TTK: variants seen among roughly 807,000 people sequenced by gnomAD.
The protein encoded by TTK is TTK protein kinase.
TTK carries 59 observed loss-of-function variants against 117.3 expected under a neutral mutation model. The ratio of observed to expected loss-of-function variants is 0.50; its 90% CI spans 0.41 to 0.62. TTK has a LOEUF of 0.62. Among genes scored for constraint, TTK ranks in the 20% least tolerant of loss-of-function variants. The pLI, the probability that TTK is intolerant of heterozygous loss-of-function variation, is 0.00. For synonymous variants in TTK, 302 were observed against 325.0 expected (o/e 0.93, Z 0.76); for missense variants, 921 against 989.4 (o/e 0.93, Z 0.93).
intron 14 of TTK, among the ~76,000 whole-genome samples, chr6:80,032,324 C>T (rs1157326885): frequency 1.3e-5 from 2 of 152,104 alleles, no homozygotes; most frequent in Non-Finnish European, 2.9e-5. Context: ...CTGTCCATAC[C>T]TATTGTCTTC....
intron 21 of TTK, 95 bp from the exon 22 acceptor site, chr6:80,042,024 T>C: frequency 1.7e-6 from 1 of 579,732 alleles, no homozygotes; most frequent in Non-Finnish European, 2.8e-6. Flanking sequence ...GAGAAATAAA[T>C]GTATTATATT....
At chr6:80,035,934 T>TAC (rs1402130823) in intron 16 of TTK, among the ~76,000 whole-genome samples, 1 of 152,130 alleles carries the variant, frequency 6.6e-6, no homozygotes, top group African/African-American at 2.4e-5. Flanking sequence ...ATAACTGTTA[T>TAC]CCTAGTTAAT....
intron 1 of TTK, among the ~76,000 whole-genome samples, chr6:80,005,192 CA>C (rs1431148196): frequency 6.6e-6 from 1 of 151,616 alleles, no homozygotes; most frequent in African/African-American, 2.4e-5. Flanking sequence ...TTGAGAGTCA[CA>C]AAGATACGAT....
In TTK at chr6:80,007,967, C is replaced by T; in HGVS notation, c.298C>T (p.Pro100Ser). The change falls in exon 3 of 22, where the codon CCA (proline) becomes TCA (serine). Residue 100 changes from proline to serine, a missense_variant. Transcript: ENST00000369798. ...RYSQAIEALP[P>S]DKYGQNESFA... ...CAGTCAAGCAATTGAAGCGCTTCCC[C>T]CAGATAAATATGGCCAAAATGAGAG... 1 of 1,613,434 alleles carries T rather than the reference C, an allele frequency of 6.2e-7. No individual in the cohort carries two copies. Among genetic ancestry groups the T allele is most frequent in the Non-Finnish European group, 8.5e-7 (1 of 1,179,626 alleles).
At position 80,028,028 on chromosome 6, in the gene TTK, A is replaced by G; in HGVS notation, c.1521+17A>G. On this transcript the variant is annotated intron_variant, in intron 13 of 21. Transcript: ENST00000369798. Reference sequence around the variant, plus strand: ...AATTTACAGGTTCGATAAGCTTTATATATGATGGTATATGTTAAGATACAG... The same window carrying G: ...AATTTACAGGTTCGATAAGCTTTATGTATGATGGTATATGTTAAGATACAG... 3 of 1,580,666 alleles carry G rather than the reference A, an allele frequency of 1.9e-6. No individual in the cohort carries two copies. The highest frequency in any genetic ancestry group is 2.6e-6 in the Non-Finnish European group (3 of 1,165,672).
chr6:80,042,009 CAA>C (rs1768060421), intron 21 of TTK, 108 bp from the exon 22 acceptor site: 1 of 536,014 alleles, frequency 1.9e-6, no homozygotes, highest in African/African-American at 2.0e-5. Flanking sequence ...ACTGTAAGAA[CAA>C]GAGAGAAATA....
In TTK at chr6:80,007,994, T is replaced by G; in HGVS notation, c.325T>G (p.Phe109Val). The G allele has an allele frequency of 3.6e-5, 45 of 1,239,516 alleles. No individual in the cohort carries two copies. Among genetic ancestry groups the G allele is most frequent in the Non-Finnish European group, 4.9e-5 (41 of 840,926 alleles). 76.8% of individuals were successfully genotyped at this position (1,239,516 alleles called of 1,614,324 possible). Residue 109 changes from phenylalanine (F) to valine (V), a missense_variant, in exon 3 of 22, where the codon TTT becomes GTT. Physicochemically the swap from Phe to Val is conservative, Grantham distance 50. Coordinates refer to ENST00000369798, the MANE Select transcript of TTK (RefSeq NM_003318.5). ...PPDKYGQNES[F>V]ARIQVRFAEL... ...AGATAAATATGGCCAAAATGAGAGT[T>G]TTGCTAGAATTCAAGTGAGATTTGC...
At chr6:80,025,340 A>G (rs2127677142) in intron 11 of TTK, among the ~76,000 whole-genome samples, 1 of 152,352 alleles carries the variant, frequency 6.6e-6, no homozygotes, top group African/African-American at 2.4e-5. Flanking sequence ...TTTCTTGGCC[A>G]AGACTGAAAT....
At chr6:80,029,175 G>A (rs191056459) in intron 13 of TTK, among the ~76,000 whole-genome samples, 1 of 152,252 alleles carries the variant, frequency 6.6e-6, no homozygotes, top group Admixed American at 6.5e-5. Flanking sequence ...GGGAAGGGAG[G>A]AAGAATGGGG....
In TTK at chr6:80,007,912, T is replaced by C; in HGVS notation, c.243T>C (p.Asp81=). Residue 81 remains aspartate, a synonymous_variant, in exon 3 of 22, where the codon GAT becomes GAC. Coordinates refer to ENST00000369798, the MANE Select transcript of TTK (RefSeq NM_003318.5). ...AGAAAAACAGTGTTCCGCTAAGTGA[T>C]GCTCTTTTAAATAAATTGATTGGTC... ...KLEKNSVPLS[D]ALLNKLIGRY... 1 of 1,613,656 alleles carries C rather than the reference T, an allele frequency of 6.2e-7. No homozygotes were observed.
chr6:80,011,099 G>T, intron 5 of TTK, 142 bp downstream of exon 5: 1 of 1,102,704 alleles, frequency 9.1e-7, no homozygotes, highest in Middle Eastern at 3.4e-4. Flanking sequence ...AGACTGAGAA[G>T]TAAAAAAGTC....
rs1430853341 is a variant in TTK at position 80,035,338 on chromosome 6, G to GA, written c.1851dup (p.Ser618IlefsTer3). 1.9e-6 allele frequency: 3 copies of GA among 1,612,192 alleles called. No homozygotes were observed. The highest frequency in any genetic ancestry group is 1.3e-5 in the African/African-American group (1 of 74,858). On this transcript the variant is annotated frameshift_variant, in exon 16 of 22. Coordinates refer to ENST00000369798, the MANE Select transcript of TTK (RefSeq NM_003318.5). LOFTEE classifies it high-confidence loss of function. ...TTGATCTTAATAGTTGGCTTAAAAA[G>GA]AAAAAATCCATTGATCCATGGGAAC...
At chr6:80,017,727 A>G (rs1767349131) in intron 10 of TTK, among the ~76,000 whole-genome samples, 1 of 152,210 alleles carries the variant, frequency 6.6e-6, no homozygotes, top group African/African-American at 2.4e-5. Flanking sequence ...CCACTTTTAA[A>G]ACATGGGATT....
In TTK at chr6:80,013,317, C is replaced by G; in HGVS notation, c.935C>G (p.Pro312Arg). 4.4e-6 allele frequency: 7 copies of G among 1,602,968 alleles called. No individual in the cohort carries two copies. Among genetic ancestry groups the G allele is most frequent in the Non-Finnish European group, 6.0e-6 (7 of 1,176,432 alleles). Reference protein sequence around the residue: ...SRSECRDLVVPGSKPSGNDSC... With the variant: ...SRSECRDLVVRGSKPSGNDSC... ...TCAGAATGCCGAGATTTGGTTGTGC[C>G]TGGATCTAAACCAAGTGGAAATGAT... is the stretch of plus-strand genomic sequence containing the variant. Residue 312 changes from proline to arginine, a missense_variant, in exon 9 of 22, where the codon CCT becomes CGT. By Grantham distance (103) the Pro-to-Arg change is moderately radical (BLOSUM62 -2). Coordinates refer to ENST00000369798, the MANE Select transcript of TTK (RefSeq NM_003318.5).
At chr6:80,035,765 C>G (rs755470029) in intron 16 of TTK, among the ~76,000 whole-genome samples, 1 of 152,020 alleles carries the variant, frequency 6.6e-6, no homozygotes, top group Admixed American at 6.6e-5. Flanking sequence ...TTTATTCATT[C>G]TCCTAATCAT....
chr6:80,032,709 A>G (rs940304183), intron 14 of TTK, among the ~76,000 whole-genome samples: 2 of 152,138 alleles, frequency 1.3e-5, no homozygotes, highest in East Asian at 1.9e-4. Context: ...TTCTACTTCA[A>G]AGTATCTCTA....
In TTK at chr6:80,042,453, A is replaced by G. The variant is rs1768076626; in HGVS notation, c.*251A>G. The G allele has an allele frequency of 3.9e-6, 1 of 257,600 alleles. No homozygotes were observed. Among genetic ancestry groups the G allele is most frequent in the Non-Finnish European group, 7.4e-6 (1 of 135,526 alleles). 16.0% of individuals were successfully genotyped at this position (257,600 alleles called of 1,614,324 possible). A position where few individuals can be genotyped will look rare whatever the true frequency, so the allele number is the denominator to read the frequency against. On this transcript the variant is annotated 3_prime_UTR_variant, in exon 22 of 22. Transcript: ENST00000369798. The stretch of plus-strand genomic sequence containing the variant: ...TACTTGACATCATTTTACTCTTGGA[A>G]TAGTGGGTGGATAGCAAGTATATTC...
At chr6:80,020,652 A>C (rs1181365137) in intron 10 of TTK, among the ~76,000 whole-genome samples, 1 of 152,238 alleles carries the variant, frequency 6.6e-6, no homozygotes, top group African/African-American at 2.4e-5. Flanking sequence ...CAGATAGTCC[A>C]GGAAAGAGCT....
At chr6:80,034,508 C>T (rs547370907) in intron 14 of TTK, among the ~76,000 whole-genome samples, 165 of 152,180 alleles carry the variant, frequency 1.1e-3, no homozygotes, top group South Asian at 2.3e-3. Context: ...TTTTATTTTT[C>T]CTTGAGACCG....
Sources: gnomAD v4.1 joint callset for allele counts (sites outside exome capture counted in the v4.1 genomes callset) on GRCh38, gnomAD v4.1.1 for gene constraint, MANE v1.5 for transcripts, NCBI Gene and HGNC (gene_info 2026-07-23, HGNC 2026-07-21) for gene names.